Variants in KLHDC1 observed in about 807,000 individuals in gnomAD.
KLHDC1 encodes kelch domain containing 1.
A neutral mutation model predicts 68.3 loss-of-function variants in KLHDC1; 53 were observed. That is an observed-to-expected ratio of 0.78 (90% CI 0.62 to 0.98). The LOEUF (loss-of-function observed/expected upper bound fraction) is 0.98, where lower values mean the gene tolerates loss of function less well. Ranked by LOEUF, KLHDC1 falls within the 50% of genes least tolerant of loss-of-function variation. KLHDC1 has a pLI of 0.00. For missense variants in KLHDC1, 470 were observed against 492.3 expected, an observed-to-expected ratio of 0.95 and a Z score of 0.43; for synonymous variants, 148 against 159.0, an observed-to-expected ratio of 0.93 and a Z score of 0.52.
chr14:49,731,098 G>A (rs1888796009), intron 8 of KLHDC1, among the ~76,000 whole-genome samples: 1 of 152,168 alleles, frequency 6.6e-6, no homozygotes, highest in African/African-American at 2.4e-5. Flanking sequence ...TGACTAACAT[G>A]GTGAAACCCC....
At chr14:49,711,490 A>G (rs1365412979) in intron 4 of KLHDC1, among the ~76,000 whole-genome samples, 2 of 152,100 alleles carry the variant, frequency 1.3e-5, no homozygotes, top group African/African-American at 4.8e-5. Flanking sequence ...AGCGTGAGCC[A>G]CTGCACCTGG....
intron 1 of KLHDC1, among the ~76,000 whole-genome samples, chr14:49,697,840 A>C (rs567264185): frequency 6.6e-6 from 1 of 152,306 alleles, no homozygotes; most frequent in East Asian, 1.9e-4. Flanking sequence ...AAAGTACGTA[A>C]TATCCCTATT....
At chr14:49,694,382 G>A (rs1312715707) in intron 1 of KLHDC1, among the ~76,000 whole-genome samples, 2 of 152,038 alleles carry the variant, frequency 1.3e-5, no homozygotes, top group East Asian at 3.9e-4. Context: ...GACCTGTAAC[G>A]TGACTGAATC....
chr14:49,747,846 T>C (rs931286018), intron 12 of KLHDC1, among the ~76,000 whole-genome samples: 1 of 152,086 alleles, frequency 6.6e-6, no homozygotes, highest in African/African-American at 2.4e-5. Context: ...ACTAAACAGC[T>C]GGGTCGCAGG....
At chr14:49,729,444 A>G in intron 7 of KLHDC1, 46 bp from the exon 8 acceptor site, 1 of 1,313,874 alleles carries the variant, frequency 7.6e-7, no homozygotes, top group Non-Finnish European at 1.1e-6. Context: ...ATTTTAGCTG[A>G]TAAAAGATGT....
chr14:49,696,132 T>TC (rs1192562875), intron 1 of KLHDC1, among the ~76,000 whole-genome samples: 1 of 151,704 alleles, frequency 6.6e-6, no homozygotes, highest in Non-Finnish European at 1.5e-5. Flanking sequence ...AGCCAGATCT[T>TC]CTGGATAACT....
At chr14:49,742,906 G>A (rs949918161) in intron 11 of KLHDC1, among the ~76,000 whole-genome samples, 1 of 151,700 alleles carries the variant, frequency 6.6e-6, no homozygotes, top group African/African-American at 2.4e-5. Flanking sequence ...GCAACATGGT[G>A]AAACCCTGTC....
chr14:49,696,906 G>T (rs1887759652), intron 1 of KLHDC1, among the ~76,000 whole-genome samples: 1 of 149,012 alleles, frequency 6.7e-6, no homozygotes, highest in African/African-American at 2.5e-5. Context: ...AACACTTAGA[G>T]TCCATTGTAG....
intron 2 of KLHDC1, 118 bp from the exon 3 acceptor site, chr14:49,709,591 C>A: frequency 1.9e-6 from 1 of 523,628 alleles, no homozygotes. Flanking sequence ...GCCACCATTA[C>A]ATTGTAACTG....
chr14:49,708,388 G>C (rs570331981), intron 1 of KLHDC1: 67 of 152,224 alleles, frequency 4.4e-4, no homozygotes, highest in African/African-American at 1.6e-3. Context: ...GAGCCACTGC[G>C]CCCAGCTGGT....
chr14:49,750,645 AAC>A lies in KLHDC1; in HGVS notation c.1035-938_1035-937del, dbSNP rs138962873. ...AAATGAGTCTGTTAAAAAAATTTTTAACACTTATTTTTTTGAATTAAAGTTTA... is the reference window on the plus strand; with the variant it reads ...AAATGAGTCTGTTAAAAAAATTTTTAACTTATTTTTTTGAATTAAAGTTTA... On this transcript the variant is annotated intron_variant, in intron 12 of 12. Coordinates refer to ENST00000359332, the MANE Select transcript of KLHDC1 (RefSeq NM_172193.3). 1.4e-3 allele frequency among the ~76,000 whole-genome samples: 210 copies of A among 152,366 alleles called. 6 individuals carry two copies. The East Asian group carries it at 0.04, about 29-fold the overall frequency.
At chr14:49,695,618 A>G (rs192175952) in intron 1 of KLHDC1, among the ~76,000 whole-genome samples, 262 of 152,328 alleles carry the variant, frequency 1.7e-3, no homozygotes, top group Admixed American at 2.9e-3. Flanking sequence ...AGAATGATAA[A>G]TGAACATTGG....
At chr14:49,695,473 C>T (rs1029238349) in intron 1 of KLHDC1, among the ~76,000 whole-genome samples, 13 of 152,104 alleles carry the variant, frequency 8.5e-5, no homozygotes, top group African/African-American at 3.1e-4. Context: ...ATTTTCTGAG[C>T]AGCAGTTCTC....
At chr14:49,740,631 A>G (rs540020605) in intron 11 of KLHDC1, among the ~76,000 whole-genome samples, 11 of 151,458 alleles carry the variant, frequency 7.3e-5, no homozygotes, top group South Asian at 2.1e-4. Flanking sequence ...GAGCCACCGC[A>G]CCCAGCAAGG....
In KLHDC1 at chr14:49,723,908, C is replaced by T; in HGVS notation, c.439C>T (p.His147Tyr). The T allele has an allele frequency of 6.2e-7, 1 of 1,604,896 alleles. No individual in the cohort carries two copies. Among genetic ancestry groups the T allele is most frequent in the Non-Finnish European group, 8.5e-7 (1 of 1,173,214 alleles). ...TTTTGGTGGTTATGGGTGTAGGAGACACAGTGAACTCCAAGACTGTTTTGA... is the reference window on the plus strand; with the variant it reads ...TTTTGGTGGTTATGGGTGTAGGAGATACAGTGAACTCCAAGACTGTTTTGA... The part of the protein sequence containing the change: ...IYFGGYGCRR[H>Y]SELQDCFDVH... The change falls in exon 5 of 13, where the codon CAC becomes TAC. Residue 147 changes from histidine to tyrosine, a missense_variant. Coordinates refer to ENST00000359332, the MANE Select transcript of KLHDC1 (RefSeq NM_172193.3).
intron 1 of KLHDC1, among the ~76,000 whole-genome samples, chr14:49,701,352 A>G (rs930416861): frequency 6.6e-6 from 1 of 152,078 alleles, no homozygotes; most frequent in Non-Finnish European, 1.5e-5. Flanking sequence ...AAATTGGCAG[A>G]TCAGACTTCT....
intron 1 of KLHDC1, among the ~76,000 whole-genome samples, chr14:49,696,696 T>G (rs1887752237): frequency 6.6e-6 from 1 of 152,232 alleles, no homozygotes; most frequent in South Asian, 2.1e-4. Flanking sequence ...TAAGGCTGTT[T>G]TGCTTTCATA....
intron 10 of KLHDC1, among the ~76,000 whole-genome samples, chr14:49,737,290 A>C (rs1223144134): frequency 6.6e-6 from 1 of 152,198 alleles, no homozygotes; most frequent in Non-Finnish European, 1.5e-5. Context: ...GTATTTCCCA[A>C]ACAACATCTC....
intron 8 of KLHDC1, among the ~76,000 whole-genome samples, chr14:49,729,889 A>G (rs1159638605): frequency 6.6e-6 from 1 of 152,228 alleles, no homozygotes; most frequent in Non-Finnish European, 1.5e-5. Context: ...GTAGCTCATA[A>G]TATGTATTTA....
Sources: allele counts gnomAD v4.1 joint callset (sites outside exome capture counted in the v4.1 genomes callset), GRCh38; gene constraint gnomAD v4.1.1; transcripts MANE v1.5; gene names NCBI Gene and HGNC (gene_info 2026-07-23, HGNC 2026-07-21).